Variants in SLC24A2 observed in about 807,000 individuals in gnomAD.
SLC24A2 encodes sodium/potassium/calcium exchanger 2.
A neutral mutation model predicts 62.0 loss-of-function variants in SLC24A2; 36 were observed. The observed-to-expected ratio is 0.58, with a 90% CI of 0.44 to 0.77. The LOEUF (loss-of-function observed/expected upper bound fraction) is 0.77. Ranked by LOEUF, SLC24A2 falls within the 30% of genes least tolerant of loss-of-function variation. The pLI, the probability that SLC24A2 is intolerant of heterozygous loss-of-function variation, is 0.00. For synonymous variants in SLC24A2, 358 were observed against 294.0 expected (o/e 1.22, Z -2.23); for missense variants, 846 against 817.9 (o/e 1.03, Z -0.42).
chr9:19,759,207 T>C (rs1312142140), intron 2 of SLC24A2, among the ~76,000 whole-genome samples: 1 of 152,228 alleles, frequency 6.6e-6, no homozygotes, highest in Non-Finnish European at 1.5e-5. Flanking sequence ...GTCTGCCATA[T>C]GGTAGCAAGT....
At chr9:19,577,316 AG>A (rs3837226) in intron 5 of SLC24A2, among the ~76,000 whole-genome samples, 109,608 of 151,986 alleles carry the variant, frequency 0.72, 40,091 homozygotes, top group South Asian at 0.82. Flanking sequence ...ACAGGTCTAG[AG>A]AAACAGAGCT....
At chr9:19,567,643 A>G (rs1194187250) in intron 7 of SLC24A2, among the ~76,000 whole-genome samples, 8 of 151,482 alleles carry the variant, frequency 5.3e-5, no homozygotes, top group African/African-American at 1.5e-4. Context: ...ATTAATTTAT[A>G]TACCATAAAC....
chr9:19,699,266 G>C (rs1446651019), intron 2 of SLC24A2, among the ~76,000 whole-genome samples: 1 of 152,134 alleles, frequency 6.6e-6, no homozygotes, highest in Non-Finnish European at 1.5e-5. Flanking sequence ...TATTCAGTGT[G>C]GCTGTAATCT....
At chr9:19,764,634 AG>A (rs1822455582) in intron 2 of SLC24A2, among the ~76,000 whole-genome samples, 1 of 152,194 alleles carries the variant, frequency 6.6e-6, no homozygotes. Flanking sequence ...CTTTATCCTG[AG>A]TTCTATTTTG....
the SLC24A2 span, among the ~76,000 whole-genome samples, chr9:19,846,815 C>T: frequency 9.2e-5 from 14 of 151,870 alleles, no homozygotes; most frequent in African/African-American, 2.9e-4. Context: ...TTGCTTGAGC[C>T]CAGTAGTTCA....
chr9:20,117,929 G>A, the SLC24A2 span, among the ~76,000 whole-genome samples: 1 of 152,100 alleles, frequency 6.6e-6, no homozygotes, highest in Non-Finnish European at 1.5e-5. Context: ...TAACTCCCAA[G>A]GTTATTAAGC....
At chr9:20,014,215 GA>G in the SLC24A2 span, among the ~76,000 whole-genome samples, 11 of 151,882 alleles carry the variant, frequency 7.2e-5, 1 homozygote, top group African/African-American at 2.7e-4. Flanking sequence ...CTCAGCGGGG[GA>G]AAAAAAGAAA....
intron 2 of SLC24A2, among the ~76,000 whole-genome samples, chr9:19,628,279 A>C (rs570643028): frequency 6.6e-6 from 1 of 152,312 alleles, no homozygotes; most frequent in South Asian, 2.1e-4. Flanking sequence ...ATTAACAGTA[A>C]TGGTGATTAT....
At chr9:19,966,642 C>G in the SLC24A2 span, among the ~76,000 whole-genome samples, 1 of 152,128 alleles carries the variant, frequency 6.6e-6, no homozygotes. Context: ...ATTGAACTCA[C>G]TGTTCTTTTG....
At chr9:19,700,996 A>G (rs1820339676) in intron 2 of SLC24A2, among the ~76,000 whole-genome samples, 1 of 152,206 alleles carries the variant, frequency 6.6e-6, no homozygotes, top group Non-Finnish European at 1.5e-5. Flanking sequence ...TTCATTCTGT[A>G]TACCCAAACT....
At chr9:19,703,331 G>C (rs1026992817) in intron 2 of SLC24A2, among the ~76,000 whole-genome samples, 1 of 152,112 alleles carries the variant, frequency 6.6e-6, no homozygotes, top group African/African-American at 2.4e-5. Flanking sequence ...CTTCAAACAC[G>C]AGCCCTTTCA....
chr9:19,921,243 G>T, the SLC24A2 span, among the ~76,000 whole-genome samples: 1 of 151,906 alleles, frequency 6.6e-6, no homozygotes, highest in African/African-American at 2.4e-5. Flanking sequence ...AACTTACATG[G>T]CCGGGCATGG....
chr9:19,709,705 A>G (rs899976659), intron 2 of SLC24A2, among the ~76,000 whole-genome samples: 5 of 140,984 alleles, frequency 3.5e-5, no homozygotes, highest in Non-Finnish European at 6.1e-5. Context: ...GAACAATGAG[A>G]ACACATGGAC....
chr9:19,508,540 C>T lies in SLC24A2; in HGVS notation c.*7613G>A, dbSNP rs1419113105. On this transcript the variant is annotated 3_prime_UTR_variant, in exon 11 of 11. Transcript: ENST00000341998. Reference sequence around the variant, plus strand: ...GGGTATGGTGGCTCATTCCTTTAATCCCAGCACTTTGGGAGGCCAAAGCAG... The same window carrying T: ...GGGTATGGTGGCTCATTCCTTTAATTCCAGCACTTTGGGAGGCCAAAGCAG... The T allele has an allele frequency of 2.0e-5, 3 of 152,214 alleles. No homozygotes were observed. In the East Asian group the frequency reaches 5.8e-4, roughly 29 times the overall value. 9.4% of individuals were successfully genotyped at this position (152,214 alleles called of 1,614,324 possible).
At chr9:20,225,838 T>A in the SLC24A2 span, among the ~76,000 whole-genome samples, 25 of 151,872 alleles carry the variant, frequency 1.6e-4, no homozygotes, top group Non-Finnish European at 3.7e-4. Context: ...GCCATGGGTC[T>A]GAGGATATTG....
At chr9:20,200,055 T>C in the SLC24A2 span, among the ~76,000 whole-genome samples, 9 of 151,974 alleles carry the variant, frequency 5.9e-5, no homozygotes, top group African/African-American at 2.2e-4. Context: ...ATAATGAATA[T>C]AGTCAGATCC....
At chr9:19,846,506 G>C in the SLC24A2 span, among the ~76,000 whole-genome samples, 1 of 152,142 alleles carries the variant, frequency 6.6e-6, no homozygotes, top group Admixed American at 6.5e-5. Flanking sequence ...TGGGTCTCTT[G>C]AAGACAGCAG....
intron 2 of SLC24A2, among the ~76,000 whole-genome samples, chr9:19,742,516 T>C (rs1821710576): frequency 6.6e-6 from 1 of 152,216 alleles, no homozygotes; most frequent in African/African-American, 2.4e-5. Flanking sequence ...TAAATTTTCC[T>C]GAGATCATGA....
the SLC24A2 span, among the ~76,000 whole-genome samples, chr9:19,837,505 C>T: frequency 9.3e-6 from 1 of 106,960 alleles, no homozygotes; most frequent in Non-Finnish European, 2.0e-5. Flanking sequence ...AGAAAACTGG[C>T]ACAAGACAGG....
Sources: gnomAD v4.1 joint callset for allele counts (sites outside exome capture counted in the v4.1 genomes callset) on GRCh38, gnomAD v4.1.1 for gene constraint, MANE v1.5 for transcripts, NCBI Gene and HGNC (gene_info 2026-07-23, HGNC 2026-07-21) for gene names.